CRADD: variants seen among roughly 807,000 people sequenced by gnomAD.
CRADD encodes the protein death domain-containing protein CRADD.
A neutral mutation model predicts 15.5 loss-of-function variants in CRADD; 9 were observed. The ratio of observed to expected loss-of-function variants is 0.58; its 90% CI spans 0.35 to 1.01. The LOEUF (loss-of-function observed/expected upper bound fraction) is 1.01. CRADD is among the 50% of genes least tolerant of loss of function. The pLI, the probability that CRADD is intolerant of heterozygous loss-of-function variation, is 0.02. For missense variants in CRADD, 227 were observed against 250.3 expected (o/e 0.91, Z 0.63); for synonymous variants, 118 against 107.6 (o/e 1.10, Z -0.60).
chr12:93,689,323 CT>C (rs1283112376), intron 2 of CRADD, among the ~76,000 whole-genome samples: 1 of 152,100 alleles, frequency 6.6e-6, no homozygotes, highest in Non-Finnish European at 1.5e-5. Context: ...TTGTAGGCTG[CT>C]GTTATAGCTA....
intron 2 of CRADD, among the ~76,000 whole-genome samples, chr12:93,870,834 A>C (rs1958412728): frequency 6.6e-6 from 1 of 152,232 alleles, no homozygotes; most frequent in Non-Finnish European, 1.5e-5. Context: ...GATCAACCCC[A>C]CATATCTGCC....
At chr12:93,822,199 C>T (rs913068120) in intron 2 of CRADD, among the ~76,000 whole-genome samples, 15 of 152,048 alleles carry the variant, frequency 9.9e-5, no homozygotes, top group Non-Finnish European at 2.2e-4. Context: ...GCTTGATGCC[C>T]CATCCTACCC....
At chr12:93,716,214 CTTTA>C (rs1956160611) in intron 2 of CRADD, among the ~76,000 whole-genome samples, 1 of 151,610 alleles carries the variant, frequency 6.6e-6, no homozygotes, top group Non-Finnish European at 1.5e-5. Flanking sequence ...TATTAATACA[CTTTA>C]TTTTTTAGAG....
chr12:93,839,767 C>T (rs1237065966), intron 2 of CRADD, among the ~76,000 whole-genome samples: 2 of 152,164 alleles, frequency 1.3e-5, no homozygotes, highest in Non-Finnish European at 2.9e-5. Context: ...TGTGGAGGTT[C>T]TTACCTTTGC....
intron 2 of CRADD, among the ~76,000 whole-genome samples, chr12:93,701,382 T>TA: frequency 6.6e-6 from 1 of 151,724 alleles, no homozygotes; most frequent in East Asian, 1.9e-4. Context: ...GCTCCACAGT[T>TA]ACCAGAGGCC....
chr12:93,887,376 C>T (rs10507027), intron 2 of CRADD, among the ~76,000 whole-genome samples: 7,586 of 152,128 alleles, frequency 0.05, 435 homozygotes, highest in African/African-American at 0.13. Context: ...GGGCCGCTAA[C>T]GAGTGGAGGG....
chr12:93,701,294 T>TGA (rs1268464139), intron 2 of CRADD, among the ~76,000 whole-genome samples: 13 of 91,874 alleles, frequency 1.4e-4, no homozygotes, highest in African/African-American at 7.4e-4. Flanking sequence ...TCTCTCTCTG[T>TGA]GACACACACA....
chr12:93,735,557 C>T (rs1168642934), intron 2 of CRADD: 1 of 152,276 alleles, frequency 6.6e-6, no homozygotes, highest in East Asian at 1.9e-4. Flanking sequence ...GAATGATACA[C>T]CTCTTACCTT....
At chr12:93,693,796 A>G (rs1955632795) in intron 2 of CRADD, among the ~76,000 whole-genome samples, 1 of 152,108 alleles carries the variant, frequency 6.6e-6, no homozygotes, top group Non-Finnish European at 1.5e-5. Context: ...AAGAATACAT[A>G]TTTTGATTAG....
At chr12:93,876,889 G>A (rs1958461105) in intron 2 of CRADD, among the ~76,000 whole-genome samples, 1 of 152,058 alleles carries the variant, frequency 6.6e-6, no homozygotes, top group African/African-American at 2.4e-5. Flanking sequence ...ATGTTCTTTA[G>A]TGTCTGGCCA....
intron 2 of CRADD, among the ~76,000 whole-genome samples, chr12:93,845,578 A>ATATTTT (rs11474114): frequency 0.019 from 1,480 of 77,362 alleles, 24 homozygotes; most frequent in East Asian, 0.046. Flanking sequence ...ATATATATAT[A>ATATTTT]TTTTTAATAA....
At chr12:93,816,474 G>A (rs1179382093) in intron 2 of CRADD, among the ~76,000 whole-genome samples, 1 of 148,310 alleles carries the variant, frequency 6.7e-6, no homozygotes, top group African/African-American at 2.5e-5. Context: ...TCATCTGCCT[G>A]CCTCAGCCTC....
At chr12:93,769,831 C>T (rs1370324922) in intron 2 of CRADD, among the ~76,000 whole-genome samples, 1 of 152,186 alleles carries the variant, frequency 6.6e-6, no homozygotes, top group East Asian at 1.9e-4. Context: ...CTCTTGCCTA[C>T]TTTTCCATAG....
chr12:93,684,269 G>A (rs901976895), intron 2 of CRADD, among the ~76,000 whole-genome samples: 1 of 152,194 alleles, frequency 6.6e-6, no homozygotes, highest in Admixed American at 6.5e-5. Context: ...TTCAACCAAC[G>A]GGAGAGTTGG....
At chr12:93,703,359 CT>C (rs34708379) in intron 2 of CRADD, among the ~76,000 whole-genome samples, 2,440 of 136,448 alleles carry the variant, frequency 0.018, 49 homozygotes, top group African/African-American at 0.056. Flanking sequence ...TTTTCTTTTT[CT>C]TTTTTTTTTT....
At chr12:93,685,111 G>T (rs1160314246) in intron 2 of CRADD, among the ~76,000 whole-genome samples, 7 of 152,194 alleles carry the variant, frequency 4.6e-5, no homozygotes, top group Non-Finnish European at 1.5e-5. Flanking sequence ...CATGCTTAAA[G>T]CCTTCTGTGG....
At chr12:93,832,925 G>A (rs1044552874) in intron 2 of CRADD, among the ~76,000 whole-genome samples, 6 of 152,210 alleles carry the variant, frequency 3.9e-5, no homozygotes, top group Non-Finnish European at 5.9e-5. Flanking sequence ...AACAGACAAG[G>A]CACTTGGAAT....
chr12:93,847,863 A>G (rs191252960), intron 2 of CRADD, among the ~76,000 whole-genome samples: 1 of 152,342 alleles, frequency 6.6e-6, no homozygotes, highest in Admixed American at 6.5e-5. Context: ...TGTGCATTAA[A>G]TTGTGTGTGT....
At chr12:93,876,767 A>G (rs1360721314) in intron 2 of CRADD, among the ~76,000 whole-genome samples, 1 of 151,954 alleles carries the variant, frequency 6.6e-6, no homozygotes, top group African/African-American at 2.4e-5. Flanking sequence ...CAACACAGCT[A>G]TTTTGAATTT....
Sources: gnomAD v4.1 joint callset for allele counts (sites outside exome capture counted in the v4.1 genomes callset) on GRCh38, gnomAD v4.1.1 for gene constraint, MANE v1.5 for transcripts, NCBI Gene and HGNC (gene_info 2026-07-23, HGNC 2026-07-21) for gene names.